The following NDUFAB1 variants were observed in gnomAD, a reference collection of about 807,000 sequenced individuals.
NDUFAB1 encodes acyl carrier protein, mitochondrial.
NDUFAB1 carries 5 observed loss-of-function variants against 16.1 expected under a neutral mutation model. The observed-to-expected ratio is 0.31, with a 90% CI of 0.16 to 0.65. NDUFAB1 has a LOEUF of 0.65. Ranked by LOEUF, NDUFAB1 falls within the 30% of genes least tolerant of loss-of-function variation. The probability of loss-of-function intolerance (pLI) is 0.77; values close to 1 mark genes in which losing one functional copy is unlikely to be tolerated. For synonymous variants in NDUFAB1, 85 were observed against 78.4 expected (o/e 1.08, Z -0.44); for missense variants, 187 against 205.3 (o/e 0.91, Z 0.54).
chr16:23,587,929 T>C (rs903708850), intron 1 of NDUFAB1, among the ~76,000 whole-genome samples: 1 of 152,272 alleles, frequency 6.6e-6, no homozygotes, highest in Non-Finnish European at 1.5e-5. Flanking sequence ...GCTTGCCTCA[T>C]GGCCACCAGC....
At chr16:23,593,851 T>TATTG (rs1966299354) in intron 1 of NDUFAB1, among the ~76,000 whole-genome samples, 2 of 49,858 alleles carry the variant, frequency 4.0e-5, no homozygotes, top group Admixed American at 4.0e-4. Context: ...TTTTAACCCT[T>TATTG]ATTTATTTAT....
intron 4 of NDUFAB1, 45 bp downstream of exon 4, chr16:23,582,231 C>G: frequency 7.2e-7 from 1 of 1,383,232 alleles, no homozygotes; most frequent in Non-Finnish European, 9.4e-7. Context: ...ATTGAAGAAC[C>G]ACAGACAAAT....
intron 4 of NDUFAB1, chr16:23,581,747 T>C (rs1490765522): frequency 6.6e-6 from 1 of 152,236 alleles, no homozygotes; most frequent in Admixed American, 6.5e-5. Flanking sequence ...AAGCCCCAGG[T>C]AGGTCCTATC....
At chr16:23,596,031 T>G in intron 1 of NDUFAB1, 92 bp downstream of exon 1, 1 of 1,457,452 alleles carries the variant, frequency 6.9e-7, no homozygotes, top group Non-Finnish European at 9.2e-7. Context: ...CACCCCTGCC[T>G]GCAGCTGGCG....
At chr16:23,595,863 G>A (rs533620591) in intron 1 of NDUFAB1, among the ~76,000 whole-genome samples, 4 of 152,250 alleles carry the variant, frequency 2.6e-5, no homozygotes, top group Non-Finnish European at 5.9e-5. Context: ...AGCCAGGCTA[G>A]GAGACTTGTC....
At chr16:23,591,527 GA>G in intron 1 of NDUFAB1, among the ~76,000 whole-genome samples, 1 of 152,166 alleles carries the variant, frequency 6.6e-6, no homozygotes, top group Non-Finnish European at 1.5e-5. Flanking sequence ...ATGAACTCCT[GA>G]CCTGTCTCCA....
At chr16:23,587,082 C>CCTGGGTGT in intron 2 of NDUFAB1, 115 bp downstream of exon 2, 1 of 1,028,736 alleles carries the variant, frequency 9.7e-7, no homozygotes. Flanking sequence ...CCAGAATGGG[C>CCTGGGTGT]CTGGGTGTCT....
chr16:23,593,368 AG>A (rs1966295676), intron 1 of NDUFAB1, among the ~76,000 whole-genome samples: 1 of 152,238 alleles, frequency 6.6e-6, no homozygotes, highest in Non-Finnish European at 1.5e-5. Context: ...GCAGAGAAGG[AG>A]CCAGCAAGTT....
At chr16:23,584,254 T>TAAAAAAAAAAAAAAAAAAAAAAAAA (rs774895056) in intron 3 of NDUFAB1, among the ~76,000 whole-genome samples, 1 of 12,120 alleles carries the variant, frequency 8.3e-5, no homozygotes, top group Non-Finnish European at 2.3e-4. Context: ...GAATGATCAA[T>TAAAAAAAAAAAAAAAAAAAAAAAAA]TAAAAAAAAA....
At chr16:23,586,179 G>C (rs375309156) in intron 2 of NDUFAB1, among the ~76,000 whole-genome samples, 1 of 152,178 alleles carries the variant, frequency 6.6e-6, no homozygotes, top group African/African-American at 2.4e-5. Flanking sequence ...ACCCACCTTG[G>C]CCTCCCAAAG....
At chr16:23,588,564 G>T (rs1474175598) in intron 1 of NDUFAB1, among the ~76,000 whole-genome samples, 1 of 152,188 alleles carries the variant, frequency 6.6e-6, no homozygotes, top group Non-Finnish European at 1.5e-5. Context: ...ATAGAAAGTG[G>T]GGCTGCTTGT....
intron 3 of NDUFAB1, among the ~76,000 whole-genome samples, chr16:23,583,442 A>G (rs1489862105): frequency 7.1e-6 from 1 of 141,826 alleles, no homozygotes; most frequent in Non-Finnish European, 1.5e-5. Context: ...CCGTCTAGGA[A>G]GTGAGGAGCG....
At chr16:23,582,113 G>A (rs1444151037) in intron 4 of NDUFAB1, 163 bp downstream of exon 4, 2 of 757,760 alleles carry the variant, frequency 2.6e-6, no homozygotes, top group African/African-American at 3.7e-5. Flanking sequence ...TCACCACCAG[G>A]GCTGGGCCCC....
intron 1 of NDUFAB1, among the ~76,000 whole-genome samples, chr16:23,593,444 C>T (rs1184582438): frequency 6.6e-6 from 1 of 152,260 alleles, no homozygotes; most frequent in African/African-American, 2.4e-5. Flanking sequence ...GTATCCATCT[C>T]TGTATCTCTC....
rs1338991461 is a variant in NDUFAB1, at chr16:23,596,270, T to C, written c.21A>G (p.Ser7=). The change falls in exon 1 of 5, where the codon TCA becomes TCG. Residue 7 remains serine, a synonymous_variant. Coordinates refer to ENST00000007516, the MANE Select transcript of NDUFAB1 (RefSeq NM_005003.3). Reference sequence around the variant, plus strand: ...CCGCGGGCAGGCGGCTGACATAGGCTGAAAGGACACGAGACGCCATGGCTA... The same window carrying C: ...CCGCGGGCAGGCGGCTGACATAGGCCGAAAGGACACGAGACGCCATGGCTA... MASRVL[S]AYVSRLPAAF... 4.4e-6 allele frequency: 7 copies of C among 1,580,686 alleles called. No individual in the cohort carries two copies. Among genetic ancestry groups the C allele is most frequent in the South Asian group, 2.3e-5 (2 of 87,386 alleles).
intron 1 of NDUFAB1, among the ~76,000 whole-genome samples, chr16:23,588,923 C>T (rs568706185): frequency 6.6e-5 from 10 of 151,966 alleles, no homozygotes; most frequent in Non-Finnish European, 1.2e-4. Context: ...TGCAGTGAGC[C>T]GAGACTGTGC....
At chr16:23,587,094 G>A in intron 2 of NDUFAB1, 103 bp downstream of exon 2, 6 of 1,202,910 alleles carry the variant, frequency 5.0e-6, no homozygotes, top group African/African-American at 3.1e-5. Flanking sequence ...TGGGTGTCTG[G>A]GAGCCAGGGA....
chr16:23,590,266 A>C (rs953643585), intron 1 of NDUFAB1, among the ~76,000 whole-genome samples: 1 of 152,206 alleles, frequency 6.6e-6, no homozygotes, highest in Admixed American at 6.5e-5. Flanking sequence ...CTGCATCAGG[A>C]TCAGCGTGAG....
intron 1 of NDUFAB1, chr16:23,595,359 A>C (rs1439544570): frequency 5.6e-6 from 2 of 355,466 alleles, no homozygotes; most frequent in Non-Finnish European, 1.1e-5. Context: ...CTACAGGTAC[A>C]GTCGTTCCTT....
Sources: allele counts gnomAD v4.1 joint callset (sites outside exome capture counted in the v4.1 genomes callset), GRCh38; gene constraint gnomAD v4.1.1; transcripts MANE v1.5; gene names NCBI Gene and HGNC (gene_info 2026-07-23, HGNC 2026-07-21).